Variants in ATE1 observed in about 807,000 individuals in gnomAD.
ATE1 encodes arginyltransferase 1, also known as arginyl-tRNA--protein transferase 1.
A neutral mutation model predicts 70.5 loss-of-function variants in ATE1; 36 were observed. That is an observed-to-expected ratio of 0.51 (90% CI 0.39 to 0.67). The LOEUF (loss-of-function observed/expected upper bound fraction) is 0.67, where lower values mean the gene tolerates loss of function less well. Ranked by LOEUF, ATE1 falls within the 30% of genes least tolerant of loss-of-function variation. The probability of loss-of-function intolerance (pLI) is 0.00; values close to 1 mark genes in which losing one functional copy is unlikely to be tolerated. For synonymous variants in ATE1, 232 were observed against 219.3 expected (o/e 1.06, Z -0.51); for missense variants, 593 against 629.5 (o/e 0.94, Z 0.62).
Position 121,841,066 on chromosome 10 carries a change from CA to C in ATE1, c.1157+15del. On this transcript the variant is annotated intron_variant, in intron 9 of 11. Transcript: ENST00000224652. The stretch of plus-strand genomic sequence containing the variant: ...TCTATATAACCCACTACAATAACGG[CA>C]AAAAGCAATCTTACCGTAGTGCAGA... The C allele has an allele frequency of 6.6e-7, 1 of 1,511,178 alleles. No homozygotes were observed. The highest frequency in any genetic ancestry group is 1.4e-5 in the South Asian group (1 of 73,028). 93.6% of individuals were successfully genotyped at this position (1,511,178 alleles called of 1,614,324 possible).
chr10:121,748,958 C>A (rs1944473321), intron 11 of ATE1, among the ~76,000 whole-genome samples: 1 of 152,050 alleles, frequency 6.6e-6, no homozygotes, highest in African/African-American at 2.4e-5. Context: ...AATTCTATCA[C>A]CAACACACAG....
chr10:121,784,475 G>C lies in ATE1; in HGVS notation c.1378+5694C>G, dbSNP rs376879399. ...CTAAAAGATCACGCAAACTAGGGAA[G>C]TCTAGTATCTTTTTAAACCAAGAGT... On this transcript the variant is annotated intron_variant, in intron 11 of 11. Coordinates refer to ENST00000224652, the MANE Select transcript of ATE1 (RefSeq NM_001001976.3). Among the ~76,000 whole-genome samples, 79 of 152,294 alleles carry C rather than the reference G, an allele frequency of 5.2e-4. 1 individual carries two copies. Among genetic ancestry groups the C allele is most frequent in the African/African-American group, 1.8e-3 (73 of 41,566 alleles).
chr10:121,919,803 C>G (rs1951809065), intron 3 of ATE1, among the ~76,000 whole-genome samples: 1 of 151,830 alleles, frequency 6.6e-6, no homozygotes, highest in Non-Finnish European at 1.5e-5. Context: ...GTGGCTAAGG[C>G]AAGAGCACTG....
At chr10:121,809,240 C>T (rs1472542463) in intron 10 of ATE1, among the ~76,000 whole-genome samples, 1 of 152,006 alleles carries the variant, frequency 6.6e-6, no homozygotes, top group Admixed American at 6.5e-5. Flanking sequence ...AAGTTTGCTA[C>T]ATTCGTTTTG....
rs183033209 is a variant in ATE1 at position 121,759,804 on chromosome 10, C to T, written c.1379-15946G>A. The stretch of plus-strand genomic sequence containing the variant: ...ACAGCAAGTTACCCTGAAGATCTAG[C>T]CAAGATCATCAAGAAGGTGGCTACA... On this transcript the variant is annotated intron_variant, in intron 11 of 11. Transcript: ENST00000224652. 2.8e-3 allele frequency among the ~76,000 whole-genome samples: 418 copies of T among 151,792 alleles called. 5 individuals carry two copies. The highest frequency in any genetic ancestry group is 2.0e-3 in the Non-Finnish European group (137 of 67,976).
intron 8 of ATE1, among the ~76,000 whole-genome samples, chr10:121,853,361 CAAA>C (rs386372688): frequency 4.3e-5 from 3 of 69,092 alleles, no homozygotes; most frequent in Admixed American, 1.5e-4. Context: ...GACTCTGTCT[CAAA>C]AAAAAAAAAA....
intron 2 of ATE1, among the ~76,000 whole-genome samples, chr10:121,923,328 T>G (rs1167699828): frequency 1.3e-5 from 2 of 152,116 alleles, no homozygotes; most frequent in Non-Finnish European, 2.9e-5. Flanking sequence ...AGCCAGGTGT[T>G]GTGATGCACA....
chr10:121,927,615 A>C (rs913188477), intron 1 of ATE1: 2 of 953,722 alleles, frequency 2.1e-6, no homozygotes, highest in Non-Finnish European at 2.5e-6. Context: ...CTCTGGGGAG[A>C]CCACCACGAT....
In ATE1 at chr10:121,861,601, G is replaced by A. The variant is rs56331623; in HGVS notation, c.975+8405C>T. Among the ~76,000 whole-genome samples the A allele has an allele frequency of 3.3e-3, 457 of 139,840 alleles. 3 individuals are homozygous for A. Among genetic ancestry groups the A allele is most frequent in the African/African-American group, 0.012 (441 of 37,232 alleles). 91.7% of individuals were successfully genotyped at this position (139,840 alleles called of 152,430 possible). On this transcript the variant is annotated intron_variant, in intron 8 of 11. Coordinates refer to ENST00000224652, the MANE Select transcript of ATE1 (RefSeq NM_001001976.3). Reference sequence around the variant, plus strand: ...ACTCTGGGGACTGTTGTGGGGTGGCGGGAGGGGGGAGGGGGGAGGGATAGC... The same window carrying A: ...ACTCTGGGGACTGTTGTGGGGTGGCAGGAGGGGGGAGGGGGGAGGGATAGC...
At chr10:121,889,675 G>A (rs563992565) in intron 7 of ATE1, among the ~76,000 whole-genome samples, 1 of 152,132 alleles carries the variant, frequency 6.6e-6, no homozygotes, top group East Asian at 1.9e-4. Context: ...CTGGCATGGT[G>A]GTCCACTCCT....
At chr10:121,909,721 T>A (rs1472013731) in intron 5 of ATE1, among the ~76,000 whole-genome samples, 1 of 152,146 alleles carries the variant, frequency 6.6e-6, no homozygotes, top group African/African-American at 2.4e-5. Flanking sequence ...CAGAGAGAAA[T>A]AGTTGAAAGA....
chr10:121,814,551 G>C (rs2133510496), intron 10 of ATE1, among the ~76,000 whole-genome samples: 1 of 152,286 alleles, frequency 6.6e-6, no homozygotes. Flanking sequence ...CTTCCCATTA[G>C]CTACTGCCAC....
At chr10:121,906,842 G>A (rs1419352824) in intron 5 of ATE1, among the ~76,000 whole-genome samples, 1 of 151,964 alleles carries the variant, frequency 6.6e-6, no homozygotes, top group Non-Finnish European at 1.5e-5. Flanking sequence ...CAGGTGATCC[G>A]CCTGTCTCGG....
At chr10:121,826,557 G>A (rs1564872463) in intron 10 of ATE1, among the ~76,000 whole-genome samples, 1 of 152,120 alleles carries the variant, frequency 6.6e-6, no homozygotes, top group South Asian at 2.1e-4. Context: ...CACCCTCCTC[G>A]GCCTCCCAAA....
At chr10:121,791,944 T>C (rs1276712097) in intron 10 of ATE1, among the ~76,000 whole-genome samples, 1 of 152,182 alleles carries the variant, frequency 6.6e-6, no homozygotes, top group African/African-American at 2.4e-5. Flanking sequence ...CTATACCAGG[T>C]GCTGTGTGAG....
In ATE1 at chr10:121,802,125, G is replaced by A. The variant is rs566822138; in HGVS notation, c.1258-11836C>T. Among the ~76,000 whole-genome samples, 20 of 152,140 alleles carry A rather than the reference G, an allele frequency of 1.3e-4. No individual in the cohort carries two copies. In the South Asian group the frequency reaches 2.7e-3, roughly 21 times the overall value. ...TGTGCCCTTAGTCTATATCCACTGCGTGCAAATGGATTCACAGCCCTTTTG... is the reference window on the plus strand; with the variant it reads ...TGTGCCCTTAGTCTATATCCACTGCATGCAAATGGATTCACAGCCCTTTTG... On this transcript the variant is annotated intron_variant, in intron 10 of 11. Transcript: ENST00000224652.
intron 10 of ATE1, among the ~76,000 whole-genome samples, chr10:121,801,104 C>T (rs1441602328): frequency 6.6e-6 from 1 of 152,214 alleles, no homozygotes; most frequent in African/African-American, 2.4e-5. Context: ...AGGACCTAAA[C>T]ATCTGAATCC....
chr10:121,853,401 G>GTTCAGGT (rs1307441492), intron 8 of ATE1, among the ~76,000 whole-genome samples: 1 of 149,176 alleles, frequency 6.7e-6, no homozygotes, highest in Non-Finnish European at 1.5e-5. Context: ...AGAATTACTA[G>GTTCAGGT]TTCAGGTCAG....
chr10:121,796,073 G>A (rs1946647892), intron 10 of ATE1, among the ~76,000 whole-genome samples: 1 of 152,148 alleles, frequency 6.6e-6, no homozygotes, highest in South Asian at 2.1e-4. Flanking sequence ...TTTTGAAAAT[G>A]TAATTGGTCT....
Sources: allele counts gnomAD v4.1 joint callset (sites outside exome capture counted in the v4.1 genomes callset), GRCh38; gene constraint gnomAD v4.1.1; transcripts MANE v1.5; gene names NCBI Gene and HGNC (gene_info 2026-07-23, HGNC 2026-07-21).